MEAF6: variants seen among roughly 807,000 people sequenced by gnomAD.
MEAF6 encodes MYST/Esa1 associated factor 6, also known as chromatin modification-related protein MEAF6.
MEAF6 carries 15 observed loss-of-function variants against 28.9 expected under a neutral mutation model. That is an observed-to-expected ratio of 0.52 (90% CI 0.35 to 0.80). The LOEUF (loss-of-function observed/expected upper bound fraction) is 0.80. Among genes scored for constraint, MEAF6 ranks in the 30% least tolerant of loss-of-function variants. The probability of loss-of-function intolerance (pLI) is 0.01; values close to 1 mark genes in which losing one functional copy is unlikely to be tolerated. For synonymous variants in MEAF6, 97 were observed against 88.7 expected, an observed-to-expected ratio of 1.09 and a Z score of -0.53; for missense variants, 178 against 237.5, an observed-to-expected ratio of 0.75 and a Z score of 1.65.
rs751297460 is a variant in MEAF6 at position 37,513,440 on chromosome 1, C to T, written c.189G>A (p.Arg63=). ...ACACTCACTTTTGGTTGGTCAGATACCGATCCCAGCCACGAATAATATTGC... is the reference window on the plus strand; with the variant it reads ...ACACTCACTTTTGGTTGGTCAGATATCGATCCCAGCCACGAATAATATTGC... The part of the protein sequence containing the change: ...MYGNIIRGWD[R]YLTNQKNSNS... Residue 63 remains arginine (R), a synonymous_variant, in exon 2 of 7, where the codon CGG becomes CGA. Coordinates refer to ENST00000296214, the MANE Select transcript of MEAF6 (RefSeq NM_001270875.3). 4 of 1,613,850 alleles carry T rather than the reference C, an allele frequency of 2.5e-6. No homozygotes were observed. In the South Asian group the frequency reaches 4.4e-5, roughly 18 times the overall value.
chr1:37,501,488 C>G (rs1642302168), intron 5 of MEAF6: 1 of 219,054 alleles, frequency 4.6e-6, no homozygotes, highest in African/African-American at 2.3e-5. Context: ...TACTATTACA[C>G]AGATTCCATT....
At chr1:37,512,726 CAA>C (rs780334877) in intron 2 of MEAF6, among the ~76,000 whole-genome samples, 5 of 151,690 alleles carry the variant, frequency 3.3e-5, no homozygotes, top group Non-Finnish European at 5.9e-5. Flanking sequence ...CCCACTTCTA[CAA>C]AAAAAAGTTT....
At chr1:37,512,256 T>C (rs1329396884) in intron 2 of MEAF6, among the ~76,000 whole-genome samples, 2 of 152,226 alleles carry the variant, frequency 1.3e-5, no homozygotes, top group Non-Finnish European at 2.9e-5. Flanking sequence ...TTTGATACTG[T>C]ATTATAGCTA....
intron 4 of MEAF6, 70 bp downstream of exon 4, chr1:37,509,208 G>A (rs993308491): frequency 3.1e-6 from 4 of 1,308,038 alleles, no homozygotes; most frequent in Non-Finnish European, 3.3e-6. Flanking sequence ...TACACAATTG[G>A]ATGAATTAAG....
In MEAF6 at chr1:37,495,703, AC is replaced by A. The variant is rs368598575; in HGVS notation, c.567+181del. ...GTCTCTCAAAAAAAAAAAACAAAAA[AC>A]AAAAAAAAAAAAAAACAAAAAAACC... On this transcript the variant is annotated intron_variant, in intron 6 of 6. Coordinates refer to ENST00000296214, the MANE Select transcript of MEAF6 (RefSeq NM_001270875.3). Among the ~76,000 whole-genome samples the A allele has an allele frequency of 7.1e-4, 80 of 112,986 alleles. 3 individuals are homozygous for A. The highest frequency in any genetic ancestry group is 3.4e-3 in the South Asian group (13 of 3,868). 74.1% of individuals were successfully genotyped at this position (112,986 alleles called of 152,430 possible).
intron 4 of MEAF6, among the ~76,000 whole-genome samples, chr1:37,503,613 AC>A (rs1481951818): frequency 2.7e-5 from 4 of 145,672 alleles, no homozygotes; most frequent in Admixed American, 2.1e-4. Flanking sequence ...CTATGATCTT[AC>A]CACTGCAATG....
chr1:37,511,928 T>A (rs1214985001), intron 2 of MEAF6, among the ~76,000 whole-genome samples: 1 of 152,234 alleles, frequency 6.6e-6, no homozygotes, highest in Non-Finnish European at 1.5e-5. Context: ...ATAAAGACTA[T>A]GTATTAGATA....
chr1:37,501,198 C>T (rs1642290090), intron 5 of MEAF6, among the ~76,000 whole-genome samples: 1 of 152,180 alleles, frequency 6.6e-6, no homozygotes, highest in African/African-American at 2.4e-5. Flanking sequence ...TGCAAAAAAA[C>T]ATGGTGCACC....
rs547678461 is a variant in MEAF6 at position 37,495,715 on chromosome 1, A to C, written c.567+170T>G. ...AAAAAAACAAAAAACAAAAAAAAAA[A>C]AAAACAAAAAAACCACCTAAAAGTT... On this transcript the variant is annotated intron_variant, in intron 6 of 6. Transcript: ENST00000296214. Among the ~76,000 whole-genome samples the C allele has an allele frequency of 1.5e-3, 203 of 133,368 alleles. 1 individual carries two copies. Among genetic ancestry groups the C allele is most frequent in the African/African-American group, 4.8e-3 (181 of 37,678 alleles). The allele number at this position is 133,368 out of a possible 152,430, so 87.5% of individuals were successfully genotyped here.
At chr1:37,495,704 C>CCA (rs1642104815) in intron 6 of MEAF6, among the ~76,000 whole-genome samples, 181 bp downstream of exon 6, 6 of 64,498 alleles carry the variant, frequency 9.3e-5, no homozygotes, top group Admixed American at 8.2e-4. Context: ...AAACAAAAAA[C>CCA]AAAAAAAAAA....
At position 37,495,718 on chromosome 1, in the gene MEAF6, A is replaced by G. The variant is rs566225713; in HGVS notation, c.567+167T>C. On this transcript the variant is annotated intron_variant, in intron 6 of 6. Transcript: ENST00000296214. ...AAAACAAAAAACAAAAAAAAAAAAAAACAAAAAAACCACCTAAAAGTTGAA... is the reference window on the plus strand; with the variant it reads ...AAAACAAAAAACAAAAAAAAAAAAAGACAAAAAAACCACCTAAAAGTTGAA... Among the ~76,000 whole-genome samples, 848 of 133,254 alleles carry G rather than the reference A, an allele frequency of 6.4e-3. 15 individuals carry two copies. The highest frequency in any genetic ancestry group is 0.021 in the African/African-American group (810 of 37,844). The allele number at this position is 133,254 out of a possible 152,430, so 87.4% of individuals were successfully genotyped here.
At chr1:37,495,706 A>AAAAAAAAAAAAAAAAAAAAAACAAC (rs1557603926) in intron 6 of MEAF6, among the ~76,000 whole-genome samples, 179 bp downstream of exon 6, 1 of 121,282 alleles carries the variant, frequency 8.2e-6, no homozygotes, top group East Asian at 2.1e-4. Flanking sequence ...ACAAAAAACA[A>AAAAAAAAAAAAAAAAAAAAAACAAC]AAAAAAAAAA....
intron 4 of MEAF6, among the ~76,000 whole-genome samples, chr1:37,508,274 C>CTTTT (rs577291632): frequency 1.7e-4 from 14 of 83,878 alleles, no homozygotes; most frequent in African/African-American, 3.1e-4. Context: ...ATGAGCATTT[C>CTTTT]TTTTTTTTTT....
intron 2 of MEAF6, among the ~76,000 whole-genome samples, chr1:37,511,394 A>G (rs1430988940): frequency 6.6e-6 from 1 of 152,252 alleles, no homozygotes; most frequent in Non-Finnish European, 1.5e-5. Context: ...GAGAATCACT[A>G]TTTTACAACT....
In MEAF6 at chr1:37,514,615, C is replaced by G. The variant is rs780829858; in HGVS notation, c.90+42G>C. On this transcript the variant is annotated intron_variant, in intron 1 of 6. Transcript: ENST00000296214. ...GCTTGGGGCCTGGAGGCGGGGCGGG[C>G]GCGGAGCCCCATGCCGTGCAACCCC... 845 of 1,420,160 alleles carry G rather than the reference C, an allele frequency of 6.0e-4. 1 individual carries two copies. Among genetic ancestry groups the G allele is most frequent in the Non-Finnish European group, 7.4e-4 (790 of 1,072,560 alleles). 88.0% of individuals were successfully genotyped at this position (1,420,160 alleles called of 1,614,324 possible). A position where few individuals can be genotyped will look rare whatever the true frequency, so the allele number is the denominator to read the frequency against.
In MEAF6 at chr1:37,490,788, A is replaced by G. The variant is rs2148053483; in HGVS notation, c.*3311T>C. On this transcript the variant is annotated 3_prime_UTR_variant, in exon 7 of 7. Transcript: ENST00000296214. ...ACGCCTGTAATCCTAGCACTTTGGG[A>G]GGCTGAGGCAGGTGGATTACGAAGT... is the stretch of plus-strand genomic sequence containing the variant. Among the ~76,000 whole-genome samples the G allele has an allele frequency of 6.6e-6, 1 of 152,202 alleles. No individual in the cohort carries two copies. The highest frequency in any genetic ancestry group is 3.4e-3 in the Middle Eastern group (1 of 294).
chr1:37,513,540 TGA>T lies in MEAF6; in HGVS notation c.91-4_91-3del, dbSNP rs774322453. 4.4e-6 allele frequency: 7 copies of T among 1,609,044 alleles called. No individual in the cohort carries two copies. The Admixed American group carries it at 1.2e-4, about 27-fold the overall frequency. Reference sequence around the variant, plus strand: ...TCGCTCCAAATTTGCCAATGTTTCCTGAGAGATGAAAAACAAGGACATGAATG... The same window carrying T: ...TCGCTCCAAATTTGCCAATGTTTCCTGAGATGAAAAACAAGGACATGAATG... On this transcript the variant is annotated splice_region_variant and splice_polypyrimidine_tract_variant and intron_variant, in intron 1 of 6. Transcript: ENST00000296214.
At chr1:37,497,613 C>CA (rs910057287) in intron 5 of MEAF6, among the ~76,000 whole-genome samples, 13 of 146,270 alleles carry the variant, frequency 8.9e-5, no homozygotes, top group East Asian at 5.9e-4. Flanking sequence ...TTTTTTGAGA[C>CA]AGAGTTTTGC....
At chr1:37,509,423 C>A in intron 3 of MEAF6, 32 bp downstream of exon 3, 1 of 1,611,316 alleles carries the variant, frequency 6.2e-7, no homozygotes, top group Non-Finnish European at 8.5e-7. Context: ...AACAACAGGC[C>A]AAAGAAAGAT....
Sources: allele counts gnomAD v4.1 joint callset (sites outside exome capture counted in the v4.1 genomes callset), GRCh38; gene constraint gnomAD v4.1.1; transcripts MANE v1.5; gene names NCBI Gene and HGNC (gene_info 2026-07-23, HGNC 2026-07-21).